The following STARD6 variants were observed in gnomAD, a reference collection of about 807,000 sequenced individuals.
The protein encoded by STARD6 is stAR-related lipid transfer protein 6.
Under a neutral mutation model 22.3 loss-of-function variants are expected in STARD6, and 21 were observed. The observed-to-expected ratio is 0.94, with a 90% confidence interval of 0.67 to 1.35. STARD6 has a LOEUF of 1.35. Ranked by LOEUF, STARD6 falls within the 40% of genes most tolerant of loss-of-function variation. STARD6 has a pLI of 0.00. For synonymous variants in STARD6, 80 were observed against 88.1 expected (o/e 0.91, Z 0.52); for missense variants, 269 against 266.9 (o/e 1.01, Z -0.05).
chr18:54,335,167 G>GTTATTTAT (rs59377707), intron 5 of STARD6, among the ~76,000 whole-genome samples: 220 of 144,934 alleles, frequency 1.5e-3, no homozygotes, highest in East Asian at 3.7e-3. Context: ...CCTCCAGGTG[G>GTTATTTAT]TTATTTATTT....
At chr18:54,331,107 A>G (rs939102862) in intron 6 of STARD6, among the ~76,000 whole-genome samples, 10 of 152,280 alleles carry the variant, frequency 6.6e-5, no homozygotes, top group African/African-American at 2.4e-4. Flanking sequence ...AATTCAAATT[A>G]TAGAGAAAAA....
At chr18:54,343,451 G>C (rs1331367860) in intron 4 of STARD6, among the ~76,000 whole-genome samples, 115 of 104,530 alleles carry the variant, frequency 1.1e-3, no homozygotes, top group African/African-American at 2.2e-3. Flanking sequence ...CCAGCCGCCC[G>C]GTCTGGGAGG....
intron 6 of STARD6, among the ~76,000 whole-genome samples, chr18:54,331,313 A>T (rs1009914142): frequency 5.3e-5 from 8 of 152,206 alleles, no homozygotes; most frequent in Admixed American, 2.0e-4. Flanking sequence ...GGCAGTTTCT[A>T]AAAGAAATAA....
At chr18:54,340,594 T>C (rs1232602223) in intron 4 of STARD6, among the ~76,000 whole-genome samples, 1 of 152,156 alleles carries the variant, frequency 6.6e-6, no homozygotes, top group Admixed American at 6.5e-5. Flanking sequence ...ACATTAGGTG[T>C]GACTGAATAC....
At chr18:54,331,324 A>G (rs569192448) in intron 6 of STARD6, among the ~76,000 whole-genome samples, 1 of 152,328 alleles carries the variant, frequency 6.6e-6, no homozygotes, top group African/African-American at 2.4e-5. Flanking sequence ...AAAGAAATAA[A>G]AGCACATTTA....
At chr18:54,333,485 A>T (rs1286887999) in intron 5 of STARD6, among the ~76,000 whole-genome samples, 1 of 152,184 alleles carries the variant, frequency 6.6e-6, no homozygotes, top group Non-Finnish European at 1.5e-5. Flanking sequence ...ATCAAACTGT[A>T]TGATTAGTAT....
At chr18:54,329,279 A>G (rs1316651229) in intron 7 of STARD6, 68 bp downstream of exon 7, 8 of 1,299,520 alleles carry the variant, frequency 6.2e-6, no homozygotes, top group Non-Finnish European at 8.5e-6. Flanking sequence ...TGAGCCAGCA[A>G]TCTTAAACTA....
At chr18:54,325,420 T>C (rs2088817335) in intron 7 of STARD6, among the ~76,000 whole-genome samples, 1 of 152,192 alleles carries the variant, frequency 6.6e-6, no homozygotes, top group South Asian at 2.1e-4. Context: ...TACTTAACTG[T>C]TTTTCATGGC....
intron 5 of STARD6, among the ~76,000 whole-genome samples, chr18:54,336,489 T>C (rs1010898550): frequency 1.3e-5 from 2 of 152,230 alleles, no homozygotes; most frequent in Non-Finnish European, 2.9e-5. Flanking sequence ...GTGTGTCAAT[T>C]AAACCTCTTT....
chr18:54,337,125 C>T lies in STARD6; in HGVS notation c.267G>A (p.Ser89=), dbSNP rs377613778. The T allele has an allele frequency of 1.6e-5, 25 of 1,601,876 alleles. No individual in the cohort carries two copies. The highest frequency in any genetic ancestry group is 4.5e-5 in the South Asian group (4 of 88,652). The change falls in exon 5 of 8, where the codon TCG becomes TCA. Residue 89 remains serine, a splice_region_variant and synonymous_variant. Coordinates refer to ENST00000307844, the MANE Select transcript of STARD6 (RefSeq NM_139171.2). ...QVYNMVHRID[S]DTFICHTITQ... Reference sequence around the variant, plus strand: ...AGTCCAGTATTAAACAACAAATTACCGAATCAATCCTGTGTACCATATTAT... The same window carrying T: ...AGTCCAGTATTAAACAACAAATTACTGAATCAATCCTGTGTACCATATTAT...
At chr18:54,342,225 A>T (rs890557510) in intron 4 of STARD6, among the ~76,000 whole-genome samples, 1 of 152,254 alleles carries the variant, frequency 6.6e-6, no homozygotes, top group Non-Finnish European at 1.5e-5. Flanking sequence ...ACAGAGATTG[A>T]ATTAGTAATC....
chr18:54,339,461 TAA>T (rs2144678649), intron 4 of STARD6, among the ~76,000 whole-genome samples: 1 of 140,366 alleles, frequency 7.1e-6, no homozygotes, highest in African/African-American at 2.8e-5. Context: ...AAAATAAAAA[TAA>T]AGTCTTGAAA....
intron 1 of STARD6, among the ~76,000 whole-genome samples, chr18:54,357,493 A>G (rs1205265500): frequency 6.6e-6 from 1 of 151,542 alleles, no homozygotes; most frequent in Non-Finnish European, 1.5e-5. Flanking sequence ...AGCTGAGACG[A>G]TATCTTATTT....
intron 5 of STARD6, among the ~76,000 whole-genome samples, chr18:54,336,923 A>G (rs573201161): frequency 6.6e-6 from 1 of 152,342 alleles, no homozygotes; most frequent in Non-Finnish European, 1.5e-5. Context: ...TTCAAAATGT[A>G]ATATGCATTT....
intron 4 of STARD6, among the ~76,000 whole-genome samples, chr18:54,342,405 C>A (rs2088977562): frequency 6.8e-6 from 1 of 147,976 alleles, no homozygotes. Flanking sequence ...ATAAAGATAT[C>A]ATAAGAAAAT....
Position 54,357,492 on chromosome 18 carries a change from GAT to G in STARD6, c.-89+298_-89+299del, listed in dbSNP as rs550837621. Among the ~76,000 whole-genome samples the G allele has an allele frequency of 1.5e-3, 225 of 152,226 alleles. 1 individual carries two copies. Among genetic ancestry groups the G allele is most frequent in the African/African-American group, 5.2e-3 (214 of 41,540 alleles). On this transcript the variant is annotated intron_variant, in intron 1 of 7. Transcript: ENST00000307844. Reference sequence around the variant, plus strand: ...GGGGGGACTGCCTACTAGCTGAGACGATATCTTATTTTTGGCGGGGGATGCTC... The same window carrying G: ...GGGGGGACTGCCTACTAGCTGAGACGATCTTATTTTTGGCGGGGGATGCTC...
intron 4 of STARD6, among the ~76,000 whole-genome samples, chr18:54,349,915 T>TG (rs1411086114): frequency 1.3e-5 from 2 of 152,190 alleles, no homozygotes; most frequent in Non-Finnish European, 2.9e-5. Context: ...TCCATATAAT[T>TG]GCAATTGCAA....
intron 4 of STARD6, among the ~76,000 whole-genome samples, chr18:54,342,044 T>C (rs1167811760): frequency 6.6e-6 from 1 of 152,158 alleles, no homozygotes; most frequent in Non-Finnish European, 1.5e-5. Context: ...AAAAAGAGAA[T>C]AGACTCAACT....
At chr18:54,348,412 A>G (rs555503054) in intron 4 of STARD6, among the ~76,000 whole-genome samples, 1 of 152,180 alleles carries the variant, frequency 6.6e-6, no homozygotes, top group Non-Finnish European at 1.5e-5. Flanking sequence ...TCTCTGGATA[A>G]TCTGCCTTCA....
Sources: gnomAD v4.1 joint callset for allele counts (sites outside exome capture counted in the v4.1 genomes callset) on GRCh38, gnomAD v4.1.1 for gene constraint, MANE v1.5 for transcripts, NCBI Gene and HGNC (gene_info 2026-07-23, HGNC 2026-07-21) for gene names.